The following TLL2 variants were observed in gnomAD, a reference collection of about 807,000 sequenced individuals.
TLL2 encodes the protein tolloid-like protein 2.
TLL2 carries 106 observed loss-of-function variants against 123.0 expected under a neutral mutation model. That is an observed-to-expected ratio of 0.86 (90% CI 0.74 to 1.01). The LOEUF (loss-of-function observed/expected upper bound fraction) is 1.01, where lower values mean the gene tolerates loss of function less well. TLL2 is among the 50% of genes least tolerant of loss of function. The probability of loss-of-function intolerance (pLI) is 0.00; values close to 1 mark genes in which losing one functional copy is unlikely to be tolerated. For synonymous variants in TLL2, 494 were observed against 516.8 expected, an observed-to-expected ratio of 0.96 and a Z score of 0.60; for missense variants, 1,332 against 1,336.7, an observed-to-expected ratio of 1.00 and a Z score of 0.06.
At chr10:96,504,576 C>A (rs928505650) in intron 1 of TLL2, among the ~76,000 whole-genome samples, 1 of 150,272 alleles carries the variant, frequency 6.7e-6, no homozygotes, top group Non-Finnish European at 1.5e-5. Context: ...CACCACTGCA[C>A]ACACACAAAA....
At chr10:96,382,640 C>A (rs1251731507) in intron 16 of TLL2, among the ~76,000 whole-genome samples, 1 of 152,234 alleles carries the variant, frequency 6.6e-6, no homozygotes, top group Non-Finnish European at 1.5e-5. Context: ...GGAGTGGCGT[C>A]CTGACAAAGG....
chr10:96,443,857 G>A (rs182532831), intron 3 of TLL2, among the ~76,000 whole-genome samples: 1 of 152,258 alleles, frequency 6.6e-6, no homozygotes, highest in Admixed American at 6.5e-5. Context: ...AGAAAAACGC[G>A]GATCTGAAAG....
chr10:96,411,592 T>G (rs1273811423), intron 8 of TLL2, among the ~76,000 whole-genome samples: 1 of 152,152 alleles, frequency 6.6e-6, no homozygotes, highest in East Asian at 1.9e-4. Flanking sequence ...AAACTACAGG[T>G]TTTGTATTTC....
intron 10 of TLL2, among the ~76,000 whole-genome samples, chr10:96,398,136 A>C (rs1589411826): frequency 6.6e-6 from 1 of 152,172 alleles, no homozygotes; most frequent in South Asian, 2.1e-4. Context: ...GTGTGGCAGG[A>C]TGGCAGCAAC....
intron 16 of TLL2, among the ~76,000 whole-genome samples, chr10:96,383,589 A>G (rs1255808827): frequency 1.3e-5 from 2 of 151,854 alleles, no homozygotes; most frequent in African/African-American, 4.8e-5. Context: ...TGAAACTGTA[A>G]GTCCATTAAA....
At chr10:96,383,113 C>T (rs1215490721) in intron 16 of TLL2, among the ~76,000 whole-genome samples, 1 of 152,140 alleles carries the variant, frequency 6.6e-6, no homozygotes, top group Non-Finnish European at 1.5e-5. Context: ...CACAGGGCAC[C>T]TGCAGAGGGA....
chr10:96,414,878 TG>T (rs1846539007), intron 7 of TLL2, among the ~76,000 whole-genome samples: 1 of 152,138 alleles, frequency 6.6e-6, no homozygotes. Context: ...CTACCTTTTT[TG>T]CACCCCTTGA....
chr10:96,467,463 C>A (rs1847141817), intron 2 of TLL2, among the ~76,000 whole-genome samples: 1 of 152,122 alleles, frequency 6.6e-6, no homozygotes, highest in Admixed American at 6.5e-5. Context: ...AAACTCCTGG[C>A]CTCACGTGAT....
At chr10:96,498,090 G>C in intron 1 of TLL2, among the ~76,000 whole-genome samples, 1 of 152,190 alleles carries the variant, frequency 6.6e-6, no homozygotes, top group East Asian at 1.9e-4. Context: ...TTGAGGACCA[G>C]GCACATCTCA....
chr10:96,476,332 G>A lies in TLL2; in HGVS notation c.286+4017C>T, dbSNP rs191466921. Among the ~76,000 whole-genome samples, 9 of 148,512 alleles carry A rather than the reference G, an allele frequency of 6.1e-5. No homozygotes were observed. In the East Asian group the frequency reaches 1.0e-3, roughly 17 times the overall value. ...TGGTACGATCTTGGCTAGTGAAATC[G>A]TACTAGCAACCTCCACCTCCCGGGT... On this transcript the variant is annotated intron_variant, in intron 2 of 20. Transcript: ENST00000357947.
intron 1 of TLL2, among the ~76,000 whole-genome samples, chr10:96,500,441 G>C (rs1391692877): frequency 6.6e-6 from 1 of 152,212 alleles, no homozygotes; most frequent in East Asian, 1.9e-4. Context: ...TTATTCTAAA[G>C]AGATAACTCA....
chr10:96,428,198 A>C (rs1480386694), intron 5 of TLL2, among the ~76,000 whole-genome samples: 1 of 152,204 alleles, frequency 6.6e-6, no homozygotes, highest in African/African-American at 2.4e-5. Flanking sequence ...CAGTCATTTT[A>C]TTACATATTA....
At chr10:96,503,069 G>A (rs1168389976) in intron 1 of TLL2, among the ~76,000 whole-genome samples, 1 of 152,076 alleles carries the variant, frequency 6.6e-6, no homozygotes, top group East Asian at 1.9e-4. Flanking sequence ...AGGGTACCAT[G>A]AGAAACCTGC....
intron 5 of TLL2, among the ~76,000 whole-genome samples, chr10:96,423,200 C>G (rs1274638910): frequency 6.6e-6 from 1 of 151,910 alleles, no homozygotes; most frequent in East Asian, 1.9e-4. Context: ...AACTTCCCAC[C>G]CAATGACCCA....
rs562296089 is a variant in TLL2 at position 96,444,040 on chromosome 10, C to T, written c.364+2051G>A. Among the ~76,000 whole-genome samples, 15 of 152,266 alleles carry T rather than the reference C, an allele frequency of 9.9e-5. No individual in the cohort carries two copies. In the South Asian group the frequency reaches 2.9e-3, roughly 29 times the overall value. On this transcript the variant is annotated intron_variant, in intron 3 of 20. Transcript: ENST00000357947. ...GACAGGAAGAGGCGATTCCCACTGA[C>T]AAACATAGGAAAAAATGTTCAACGG...
intron 1 of TLL2, among the ~76,000 whole-genome samples, chr10:96,486,938 C>T (rs72811159): frequency 0.17 from 25,925 of 152,280 alleles, 2,553 homozygotes; most frequent in East Asian, 0.43. Context: ...CAGGCGTCCT[C>T]CTGACACCAA....
At chr10:96,459,733 G>A (rs867190485) in intron 2 of TLL2, among the ~76,000 whole-genome samples, 1 of 48,794 alleles carries the variant, frequency 2.0e-5, no homozygotes, top group South Asian at 7.2e-4. Context: ...TATATATATA[G>A]CAGCTAAAAT....
intron 4 of TLL2, 117 bp downstream of exon 4, chr10:96,432,690 C>T (rs1324081618): frequency 1.5e-6 from 2 of 1,328,968 alleles, no homozygotes. Context: ...CATCTGTAGG[C>T]CTGCTGTGGT....
intron 3 of TLL2, 69 bp downstream of exon 3, chr10:96,446,022 T>C (rs903600823): frequency 1.4e-6 from 2 of 1,470,894 alleles, no homozygotes; most frequent in African/African-American, 1.4e-5. Flanking sequence ...GTAAGTCTTA[T>C]GTCACGTGTA....
Sources: gnomAD v4.1 joint callset for allele counts (sites outside exome capture counted in the v4.1 genomes callset) on GRCh38, gnomAD v4.1.1 for gene constraint, MANE v1.5 for transcripts, NCBI Gene and HGNC (gene_info 2026-07-23, HGNC 2026-07-21) for gene names.